CBL: variants seen among roughly 807,000 people sequenced by gnomAD.
CBL encodes E3 ubiquitin-protein ligase CBL.
Under a neutral mutation model 96.9 loss-of-function variants are expected in CBL, and 45 were observed. The observed-to-expected ratio is 0.46, with a 90% confidence interval of 0.37 to 0.60. CBL has a LOEUF of 0.60. Ranked by LOEUF, CBL falls within the 20% of genes least tolerant of loss-of-function variation. The pLI is 0.00. For synonymous variants in CBL, 420 were observed against 426.8 expected, an observed-to-expected ratio of 0.98 and a Z score of 0.20; for missense variants, 1,024 against 1,143.5, an observed-to-expected ratio of 0.90 and a Z score of 1.51.
chr11:119,274,962 A>C lies in CBL; in HGVS notation c.869+9A>C. 5 of 1,612,714 alleles carry C rather than the reference A, an allele frequency of 3.1e-6. No homozygotes were observed. The highest frequency in any genetic ancestry group is 4.2e-6 in the Non-Finnish European group (5 of 1,179,608). ...ATTCACAAACCTGGCAGGTCAGTTCAATGACGCAAAGAGATTTATTCTTCT... is the reference window on the plus strand; with the variant it reads ...ATTCACAAACCTGGCAGGTCAGTTCCATGACGCAAAGAGATTTATTCTTCT... On this transcript the variant is annotated intron_variant, in intron 5 of 15. Transcript: ENST00000264033.
chr11:119,238,818 G>A (rs988352313), intron 2 of CBL, among the ~76,000 whole-genome samples: 5 of 152,124 alleles, frequency 3.3e-5, no homozygotes, highest in Admixed American at 6.6e-5. Flanking sequence ...GCAACGGAGC[G>A]AGAGTTCATC....
chr11:119,225,049 GGTGT>G (rs143591231), intron 1 of CBL, among the ~76,000 whole-genome samples: 7 of 148,846 alleles, frequency 4.7e-5, no homozygotes, highest in South Asian at 4.2e-4. Flanking sequence ...AACTCTTTGG[GGTGT>G]GTGTGTGTGT....
At chr11:119,227,909 A>T (rs887032107) in intron 1 of CBL, among the ~76,000 whole-genome samples, 1 of 152,138 alleles carries the variant, frequency 6.6e-6, no homozygotes, top group Non-Finnish European at 1.5e-5. Flanking sequence ...TTCCTCTCAC[A>T]TTCAGATACC....
At chr11:119,269,188 A>G (rs1485345838) in intron 2 of CBL, among the ~76,000 whole-genome samples, 1 of 152,066 alleles carries the variant, frequency 6.6e-6, no homozygotes, top group African/African-American at 2.4e-5. Context: ...ACAATAATCA[A>G]AGGATCTCAA....
chr11:119,238,189 T>C (rs561795677), intron 2 of CBL, among the ~76,000 whole-genome samples: 4 of 147,660 alleles, frequency 2.7e-5, no homozygotes, highest in Admixed American at 6.8e-5. Context: ...CTGCATGAAT[T>C]TAGAATCAGC....
rs376526811 is a variant in CBL at position 119,302,258 on chromosome 11, G to A, written c.*2477G>A. 4 of 232,642 alleles carry A rather than the reference G, an allele frequency of 1.7e-5. No homozygotes were observed. The highest frequency in any genetic ancestry group is 1.2e-4 in the East Asian group (2 of 16,546). 14.4% of individuals were successfully genotyped at this position (232,642 alleles called of 1,614,324 possible). ...AGGATCTTTCCTTTGACTGGGTGCT[G>A]TGAGGACACACCTGGGTCTGTGCCT... On this transcript the variant is annotated 3_prime_UTR_variant, in exon 16 of 16. Coordinates refer to ENST00000264033, the MANE Select transcript of CBL (RefSeq NM_005188.4).
At chr11:119,278,983 A>G (rs746046336) in intron 9 of CBL, among the ~76,000 whole-genome samples, 6 of 152,202 alleles carry the variant, frequency 3.9e-5, no homozygotes, top group Non-Finnish European at 8.8e-5. Context: ...GCCGAAGACC[A>G]CACAGCTAGT....
At chr11:119,211,738 A>AAGTG (rs1368808999) in intron 1 of CBL, among the ~76,000 whole-genome samples, 3 of 151,956 alleles carry the variant, frequency 2.0e-5, no homozygotes, top group African/African-American at 7.3e-5. Context: ...TCCTGACCTC[A>AAGTG]AGTGATCTGC....
intron 1 of CBL, among the ~76,000 whole-genome samples, chr11:119,215,585 A>C (rs553947786): frequency 1.3e-4 from 20 of 150,820 alleles, no homozygotes; most frequent in African/African-American, 4.4e-4. Context: ...AGAATCGTTT[A>C]AACCCGCCCG....
chr11:119,299,936 G>C lies in CBL; in HGVS notation c.*155G>C. The C allele has an allele frequency of 1.3e-6, 1 of 783,358 alleles. No individual in the cohort carries two copies. Among genetic ancestry groups the C allele is most frequent in the Non-Finnish European group, 2.2e-6 (1 of 453,572 alleles). The allele number at this position is 783,358 out of a possible 1,614,324, so 48.5% of individuals were successfully genotyped here. On this transcript the variant is annotated 3_prime_UTR_variant, in exon 16 of 16. Transcript: ENST00000264033. ...ATCAGTGGTTCCAAGATTTCAAAGT[G>C]GTGAAATGAAAATGGAGCAGCTAGT... is the stretch of plus-strand genomic sequence containing the variant.
chr11:119,247,224 C>A (rs1037714633), intron 2 of CBL, among the ~76,000 whole-genome samples: 1 of 152,170 alleles, frequency 6.6e-6, no homozygotes, highest in Non-Finnish European at 1.5e-5. Flanking sequence ...CAGTTAATAA[C>A]TTGATGGTGA....
intron 9 of CBL, among the ~76,000 whole-genome samples, chr11:119,282,315 G>A (rs1411302187): frequency 6.7e-6 from 1 of 149,768 alleles, no homozygotes; most frequent in African/African-American, 2.5e-5. Flanking sequence ...TCCAGCCTGG[G>A]CAACAAGAGT....
intron 2 of CBL, among the ~76,000 whole-genome samples, chr11:119,266,251 AAG>A (rs1949802920): frequency 6.6e-6 from 1 of 152,116 alleles, no homozygotes; most frequent in South Asian, 2.1e-4. Flanking sequence ...CCTTATGAGC[AAG>A]AGTTACAAGA....
At chr11:119,279,824 A>G (rs1370374313) in intron 9 of CBL, among the ~76,000 whole-genome samples, 1 of 152,244 alleles carries the variant, frequency 6.6e-6, no homozygotes, top group South Asian at 2.1e-4. Context: ...ATTTTTTACA[A>G]TTAATGCATA....
intron 2 of CBL, among the ~76,000 whole-genome samples, chr11:119,261,322 C>T (rs756154322): frequency 8.5e-5 from 13 of 152,098 alleles, no homozygotes; most frequent in Non-Finnish European, 1.9e-4. Context: ...TCAAGTTTTG[C>T]AAAGCTTAGT....
At chr11:119,230,476 G>A (rs1255966123) in intron 1 of CBL, among the ~76,000 whole-genome samples, 1 of 152,164 alleles carries the variant, frequency 6.6e-6, no homozygotes, top group Admixed American at 6.6e-5. Context: ...ATAAAAACGA[G>A]AATGTCAGGC....
chr11:119,241,484 T>C (rs779466420), intron 2 of CBL, among the ~76,000 whole-genome samples: 4 of 152,238 alleles, frequency 2.6e-5, no homozygotes, highest in Non-Finnish European at 4.4e-5. Flanking sequence ...GAATAGTACA[T>C]AGTCCCTTCT....
rs752201879 is a variant in CBL, at chr11:119,300,861, G to A, written c.*1080G>A. ...TACCGGAAAGCTTTTAGGAAGCTTCGTTCACATGCTATTTAAATGCACAAA... is the reference window on the plus strand; with the variant it reads ...TACCGGAAAGCTTTTAGGAAGCTTCATTCACATGCTATTTAAATGCACAAA... On this transcript the variant is annotated 3_prime_UTR_variant, in exon 16 of 16. Transcript: ENST00000264033. 3 of 314,970 alleles carry A rather than the reference G, an allele frequency of 9.5e-6. No individual in the cohort carries two copies. The highest frequency in any genetic ancestry group is 4.2e-5 in the African/African-American group (2 of 47,362). The allele number at this position is 314,970 out of a possible 1,614,324, so 19.5% of individuals were successfully genotyped here. A position where few individuals can be genotyped will look rare whatever the true frequency, so the allele number is the denominator to read the frequency against.
chr11:119,234,342 A>C (rs996329700), intron 2 of CBL, among the ~76,000 whole-genome samples: 2 of 152,174 alleles, frequency 1.3e-5, no homozygotes, highest in African/African-American at 4.8e-5. Flanking sequence ...GAGTGAATTC[A>C]ATCCGTAAGA....
Sources: gnomAD v4.1 joint callset for allele counts (sites outside exome capture counted in the v4.1 genomes callset) on GRCh38, gnomAD v4.1.1 for gene constraint, MANE v1.5 for transcripts, NCBI Gene and HGNC (gene_info 2026-07-23, HGNC 2026-07-21) for gene names.